The following ACSM2B variants were observed in gnomAD, a reference collection of about 807,000 sequenced individuals.
ACSM2B encodes the protein acyl-coenzyme A synthetase ACSM2B, mitochondrial.
ACSM2B carries 58 observed loss-of-function variants against 78.6 expected under a neutral mutation model. That is an observed-to-expected ratio of 0.74 (90% confidence interval 0.60 to 0.92). The LOEUF is 0.92. ACSM2B is among the 40% of genes least tolerant of loss of function. The pLI is 0.00. For synonymous variants in ACSM2B, 257 were observed against 256.8 expected (o/e 1.00, Z -0.01); for missense variants, 688 against 711.2 (o/e 0.97, Z 0.37).
chr16:20,560,322 A>G (rs1274536789), intron 2 of ACSM2B, among the ~76,000 whole-genome samples: 1 of 151,822 alleles, frequency 6.6e-6, no homozygotes, highest in African/African-American at 2.4e-5. Context: ...GCTTGGTAGG[A>G]GGTGATTGGA....
intron 1 of ACSM2B, among the ~76,000 whole-genome samples, chr16:20,566,163 T>C (rs1285327361): frequency 7.0e-6 from 1 of 143,200 alleles, no homozygotes; most frequent in Non-Finnish European, 1.5e-5. Context: ...TATATATATA[T>C]GTAATAAACG....
chr16:20,552,834 T>C (rs1451031751), intron 5 of ACSM2B, among the ~76,000 whole-genome samples: 1 of 152,202 alleles, frequency 6.6e-6, no homozygotes, highest in Admixed American at 6.5e-5. Context: ...TGATTTAAGC[T>C]AGACATGAAC....
rs554013760 is a variant in ACSM2B at position 20,576,002 on chromosome 16, C to A, written c.-9+205G>T. 1.4e-4 allele frequency among the ~76,000 whole-genome samples: 21 copies of A among 150,180 alleles called. 1 individual carries two copies. In the South Asian group the frequency reaches 4.2e-3, roughly 30 times the overall value. The stretch of plus-strand genomic sequence containing the variant: ...ACCACCTTTTTCCAGCTGCCCTCGT[C>A]TCTCCCTGTTGCTGCCATAAACGTG... On this transcript the variant is annotated intron_variant, in intron 1 of 13. Coordinates refer to ENST00000329697, the MANE Select transcript of ACSM2B (RefSeq NM_001105069.2).
At chr16:20,569,910 G>C (rs938316763) in intron 1 of ACSM2B, among the ~76,000 whole-genome samples, 1 of 151,838 alleles carries the variant, frequency 6.6e-6, no homozygotes, top group Admixed American at 6.6e-5. Context: ...CATTAATTTT[G>C]TGTCCTGAAA....
chr16:20,568,021 G>T (rs1473860705), intron 1 of ACSM2B, among the ~76,000 whole-genome samples: 2 of 142,744 alleles, frequency 1.4e-5, no homozygotes, highest in Admixed American at 1.5e-4. Flanking sequence ...TACATAATAT[G>T]TATTGCTACA....
chr16:20,538,173 C>G (rs898058328), intron 13 of ACSM2B, among the ~76,000 whole-genome samples: 8 of 152,076 alleles, frequency 5.3e-5, no homozygotes, highest in African/African-American at 1.9e-4. Flanking sequence ...AATAGGGATA[C>G]TGAGATGGAG....
At chr16:20,551,349 G>A (rs1247479466) in intron 6 of ACSM2B, among the ~76,000 whole-genome samples, 1 of 152,088 alleles carries the variant, frequency 6.6e-6, no homozygotes, top group African/African-American at 2.4e-5. Flanking sequence ...ATGGTATTTG[G>A]AGGTGGGGCT....
rs374768633 is a variant in ACSM2B, at chr16:20,545,247, A to G, written c.1191T>C (p.Asp397=). The G allele has an allele frequency of 1.9e-6, 3 of 1,613,440 alleles. No homozygotes were observed. Among genetic ancestry groups the G allele is most frequent in the Middle Eastern group, 3.3e-4 (2 of 6,080 alleles). ...ASCYDVQVID[D]KGNVLPPGTE... ...TGCCGGGGGGCAGGACGTTGCCCTT[A>G]TCATCTATAACCTGGAGAAAGAAGC... Residue 397 remains aspartate, a synonymous_variant, in exon 10 of 14, where the codon GAT becomes GAC. Coordinates refer to ENST00000329697, the MANE Select transcript of ACSM2B (RefSeq NM_001105069.2).
intron 1 of ACSM2B, among the ~76,000 whole-genome samples, chr16:20,571,083 T>A (rs1188524152): frequency 6.6e-6 from 1 of 151,968 alleles, no homozygotes; most frequent in Non-Finnish European, 1.5e-5. Context: ...TCTGCTCTGA[T>A]CTTGGTTATT....
chr16:20,546,352 T>C, intron 9 of ACSM2B, 42 bp downstream of exon 9: 2 of 1,574,464 alleles, frequency 1.3e-6, no homozygotes, highest in South Asian at 2.4e-5. Context: ...TGAAAATCAG[T>C]GTTTCCCCTA....
Position 20,543,008 on chromosome 16 carries a change from C to T in ACSM2B, c.1415G>A (p.Arg472Gln), listed in dbSNP as rs769442021. The change falls in exon 12 of 14, where the codon CGG becomes CAG. Residue 472 changes from arginine to glutamine, a missense_variant. Coordinates refer to ENST00000329697, the MANE Select transcript of ACSM2B (RefSeq NM_001105069.2). ...ADDIINSSGY[R>Q]IGPSEVENAL... ...ATTCTCTACCTCCGAGGGTCCAATCCGGTACCTGCAGAAGAACCTGTCCTT... is the reference window on the plus strand; with the variant it reads ...ATTCTCTACCTCCGAGGGTCCAATCTGGTACCTGCAGAAGAACCTGTCCTT... The T allele has an allele frequency of 6.2e-6, 10 of 1,613,486 alleles. No individual in the cohort carries two copies. Among genetic ancestry groups the T allele is most frequent in the Middle Eastern group, 1.6e-4 (1 of 6,078 alleles).
intron 2 of ACSM2B, among the ~76,000 whole-genome samples, chr16:20,560,790 G>A (rs1440160998): frequency 1.3e-5 from 2 of 152,038 alleles, no homozygotes; most frequent in Non-Finnish European, 2.9e-5. Flanking sequence ...AACGTCTTAG[G>A]CACTGGTTAA....
At chr16:20,558,650 G>T (rs1011723096) in intron 3 of ACSM2B, among the ~76,000 whole-genome samples, 3 of 152,046 alleles carry the variant, frequency 2.0e-5, no homozygotes, top group African/African-American at 7.2e-5. Flanking sequence ...AGACTTAGTT[G>T]CTCCTCATAT....
At chr16:20,547,347 A>G in intron 8 of ACSM2B, 1 of 985,238 alleles carries the variant, frequency 1.0e-6, no homozygotes, top group South Asian at 4.7e-5. Flanking sequence ...CTTTCATACC[A>G]CAGAGCTGCC....
chr16:20,557,928 T>A (rs927345683), intron 3 of ACSM2B, among the ~76,000 whole-genome samples: 2 of 152,238 alleles, frequency 1.3e-5, no homozygotes, highest in African/African-American at 4.8e-5. Flanking sequence ...TAGTCCAAGC[T>A]AACTATGGCA....
chr16:20,558,315 A>C (rs1349685404), intron 3 of ACSM2B, among the ~76,000 whole-genome samples: 2 of 148,222 alleles, frequency 1.3e-5, no homozygotes, highest in Non-Finnish European at 3.0e-5. Flanking sequence ...TTTCATCCCC[A>C]GCCAAACCAA....
intron 1 of ACSM2B, among the ~76,000 whole-genome samples, chr16:20,567,669 C>G (rs28380473): frequency 0.012 from 1,640 of 134,398 alleles, 10 homozygotes; most frequent in Non-Finnish European, 0.02. Flanking sequence ...ATATACTATA[C>G]TATTATATAT....
At chr16:20,556,139 A>G (rs1210943340) in intron 3 of ACSM2B, among the ~76,000 whole-genome samples, 1 of 151,994 alleles carries the variant, frequency 6.6e-6, no homozygotes, top group African/African-American at 2.4e-5. Context: ...TGATACTGAA[A>G]TTTACAGTAC....
chr16:20,540,593 A>G lies in ACSM2B; in HGVS notation c.1629+61T>C, dbSNP rs557481013. On this transcript the variant is annotated intron_variant, in intron 13 of 13. Coordinates refer to ENST00000329697, the MANE Select transcript of ACSM2B (RefSeq NM_001105069.2). ...GCTGTCCTCCTCCTGAAGAAGATAA[A>G]TATAACAGGAAAACAATCTATTTCT... 411 of 1,595,180 alleles carry G rather than the reference A, an allele frequency of 2.6e-4. No homozygotes were observed. The African/African-American group carries it at 5.2e-3, about 20-fold the overall frequency.
Sources: gnomAD v4.1 joint callset for allele counts (sites outside exome capture counted in the v4.1 genomes callset) on GRCh38, gnomAD v4.1.1 for gene constraint, MANE v1.5 for transcripts, NCBI Gene and HGNC (gene_info 2026-07-23, HGNC 2026-07-21) for gene names.